CLPB: variants seen among roughly 807,000 people sequenced by gnomAD.
CLPB encodes mitochondrial disaggregase.
CLPB carries 40 observed loss-of-function variants against 78.4 expected under a neutral mutation model. The observed-to-expected ratio is 0.51, with a 90% confidence interval of 0.40 to 0.66. CLPB has a LOEUF of 0.66. Ranked by LOEUF, CLPB falls within the 30% of genes least tolerant of loss-of-function variation. The pLI is 0.00. For missense variants in CLPB, 780 were observed against 886.9 expected (o/e 0.88, Z 1.53); for synonymous variants, 333 against 348.0 (o/e 0.96, Z 0.48).
intron 9 of CLPB, among the ~76,000 whole-genome samples, chr11:72,305,661 T>G (rs1949733975): frequency 6.6e-6 from 1 of 152,188 alleles, no homozygotes; most frequent in Non-Finnish European, 1.5e-5. Context: ...GGTGGTGGTG[T>G]TACTTCCTTC....
At chr11:72,386,105 A>G (rs2135030203) in intron 3 of CLPB, among the ~76,000 whole-genome samples, 1 of 152,318 alleles carries the variant, frequency 6.6e-6, no homozygotes, top group African/African-American at 2.4e-5. Context: ...GCTGTATGAG[A>G]GTAACTGCTG....
intron 5 of CLPB, among the ~76,000 whole-genome samples, chr11:72,331,061 T>C (rs772178526): frequency 6.6e-6 from 1 of 152,108 alleles, no homozygotes; most frequent in Non-Finnish European, 1.5e-5. Flanking sequence ...TTAAAAATTT[T>C]TTTATTAAAA....
chr11:72,357,892 T>C (rs1950750656), intron 5 of CLPB, among the ~76,000 whole-genome samples: 1 of 151,728 alleles, frequency 6.6e-6, no homozygotes, highest in African/African-American at 2.4e-5. Context: ...TGAAGAATGA[T>C]CCCAACAAGG....
intron 9 of CLPB, among the ~76,000 whole-genome samples, chr11:72,303,469 C>T (rs1949695465): frequency 6.6e-6 from 1 of 152,340 alleles, no homozygotes; most frequent in Middle Eastern, 3.4e-3. Context: ...CCAGGGGGCT[C>T]GGGTTCCAGT....
Position 72,302,311 on chromosome 11 carries a change from C to T in CLPB, c.1160G>A (p.Arg387Gln), listed in dbSNP as rs1244789178. 11 of 1,613,946 alleles carry T rather than the reference C, an allele frequency of 6.8e-6. No homozygotes were observed. The highest frequency in any genetic ancestry group is 1.7e-5 in the Admixed American group (1 of 60,004). Residue 387 changes from arginine to glutamine, a missense_variant, in exon 10 of 16, where the codon CGA (arginine) becomes CAA (glutamine). Transcript: ENST00000538039. ...AGGACTGTCATCACTCACCTCGTGT[C>T]GCTCCTGGAACTCGGACATGTCCAG... Reference protein sequence around the residue: ...IRLDMSEFQERHEVAKFIGSP... With the variant: ...IRLDMSEFQEQHEVAKFIGSP...
At chr11:72,344,301 C>T (rs766402367) in intron 5 of CLPB, among the ~76,000 whole-genome samples, 2 of 152,094 alleles carry the variant, frequency 1.3e-5, no homozygotes, top group Admixed American at 6.5e-5. Flanking sequence ...CTCCACCTCC[C>T]GGACTCAAGC....
intron 5 of CLPB, among the ~76,000 whole-genome samples, chr11:72,356,101 G>A (rs942494271): frequency 6.6e-6 from 1 of 152,040 alleles, no homozygotes; most frequent in Admixed American, 6.6e-5. Flanking sequence ...GACCAACATG[G>A]AGAAACCCTA....
At chr11:72,424,849 G>A (rs368743376) in intron 2 of CLPB, among the ~76,000 whole-genome samples, 3 of 151,766 alleles carry the variant, frequency 2.0e-5, no homozygotes, top group Admixed American at 2.0e-4. Context: ...TCGCACCACC[G>A]CACTCCAACC....
intron 2 of CLPB, among the ~76,000 whole-genome samples, chr11:72,411,198 A>G (rs1855867064): frequency 6.6e-6 from 1 of 152,250 alleles, no homozygotes; most frequent in South Asian, 2.1e-4. Flanking sequence ...GAATGTCTAC[A>G]GCACTTACCT....
At chr11:72,380,662 A>C (rs1276073475) in intron 3 of CLPB, among the ~76,000 whole-genome samples, 1 of 152,136 alleles carries the variant, frequency 6.6e-6, no homozygotes, top group Non-Finnish European at 1.5e-5. Flanking sequence ...AACATAGTGA[A>C]ACTTCATTTT....
At position 72,301,878 on chromosome 11, in the gene CLPB, A is replaced by AT; in HGVS notation, c.1253dup (p.Asn418LysfsTer7). On this transcript the variant is annotated frameshift_variant, in exon 11 of 16. Coordinates refer to ENST00000538039, the MANE Select transcript of CLPB (RefSeq NM_001258392.3). LOFTEE classifies it high-confidence loss of function. ...CTACTTCATCAAAGAGCACCACAGC[A>AT]TTGGGGCACTGCTTCAACTTCTTGG... 1 of 1,614,194 alleles carries AT rather than the reference A, an allele frequency of 6.2e-7. No homozygotes were observed. The highest frequency in any genetic ancestry group is 1.3e-5 in the African/African-American group (1 of 75,058).
chr11:72,399,899 T>A (rs1008204317), intron 3 of CLPB, among the ~76,000 whole-genome samples: 11 of 152,216 alleles, frequency 7.2e-5, no homozygotes, highest in African/African-American at 2.7e-4. Context: ...GAAAAACTTA[T>A]TGGCAGATTG....
Position 72,293,336 on chromosome 11 carries a change from G to A in CLPB, c.*31C>T, listed in dbSNP as rs368371867. ...ACAGCCAAGGGGCCTTTATTGGATG[G>A]TGAGGGCACATAGGAGCAGGCAGGT... On this transcript the variant is annotated 3_prime_UTR_variant, in exon 16 of 16. Coordinates refer to ENST00000538039, the MANE Select transcript of CLPB (RefSeq NM_001258392.3). The A allele has an allele frequency of 5.6e-6, 9 of 1,604,756 alleles. No individual in the cohort carries two copies. The African/African-American group carries it at 1.1e-4, about 19-fold the overall frequency.
intron 7 of CLPB, among the ~76,000 whole-genome samples, chr11:72,308,849 G>T (rs1949792835): frequency 6.6e-6 from 1 of 152,192 alleles, no homozygotes; most frequent in Non-Finnish European, 1.5e-5. Flanking sequence ...TCCAGGATGA[G>T]CACTCAGCGT....
intron 5 of CLPB, among the ~76,000 whole-genome samples, chr11:72,358,649 G>A (rs1175318842): frequency 1.3e-5 from 2 of 152,152 alleles, no homozygotes; most frequent in African/African-American, 2.4e-5. Flanking sequence ...TCAGCCACAG[G>A]AGGGCAAACC....
At chr11:72,384,694 A>T (rs528558939) in intron 3 of CLPB, among the ~76,000 whole-genome samples, 1 of 152,338 alleles carries the variant, frequency 6.6e-6, no homozygotes, top group South Asian at 2.1e-4. Context: ...ATACGAAGGA[A>T]TGGAAAAAGA....
Position 72,292,808 on chromosome 11 carries a change from T to A in CLPB, c.*559A>T, listed in dbSNP as rs1376980158. Reference sequence around the variant, plus strand: ...AGTAGCGGAAACAGGCAAGCCTCTATGGGTCCCTTCCCCTTAGAATTTTAG... The same window carrying A: ...AGTAGCGGAAACAGGCAAGCCTCTAAGGGTCCCTTCCCCTTAGAATTTTAG... On this transcript the variant is annotated 3_prime_UTR_variant, in exon 16 of 16. Transcript: ENST00000538039. 2 of 154,774 alleles carry A rather than the reference T, an allele frequency of 1.3e-5. No individual in the cohort carries two copies. The highest frequency in any genetic ancestry group is 2.9e-5 in the Non-Finnish European group (2 of 69,604). The allele number at this position is 154,774 out of a possible 1,614,324, so 9.6% of individuals were successfully genotyped here.
intron 1 of CLPB, chr11:72,430,584 C>A: frequency 1.8e-6 from 1 of 549,280 alleles, no homozygotes; most frequent in Non-Finnish European, 3.3e-6. Flanking sequence ...AGCCCAAACT[C>A]TTCACTCCTC....
At position 72,355,831 on chromosome 11, in the gene CLPB, TG is replaced by T. The variant is rs150034630; in HGVS notation, c.775+3048del. Reference sequence around the variant, plus strand: ...TTTCTAGCTCTAACCCTCTAAGGTCTGGGGACCCTAAATCCCTGAGGACTAA... The same window carrying T: ...TTTCTAGCTCTAACCCTCTAAGGTCTGGGACCCTAAATCCCTGAGGACTAA... On this transcript the variant is annotated intron_variant, in intron 5 of 15. Coordinates refer to ENST00000538039, the MANE Select transcript of CLPB (RefSeq NM_001258392.3). 9.2e-3 allele frequency among the ~76,000 whole-genome samples: 1,407 copies of T among 152,324 alleles called. 22 individuals are homozygous for T. Among genetic ancestry groups the T allele is most frequent in the African/African-American group, 0.033 (1,352 of 41,558 alleles).
Sources: allele counts gnomAD v4.1 joint callset (sites outside exome capture counted in the v4.1 genomes callset), GRCh38; gene constraint gnomAD v4.1.1; transcripts MANE v1.5; gene names NCBI Gene and HGNC (gene_info 2026-07-23, HGNC 2026-07-21).